The following CMTM8 variants were observed in gnomAD, a reference collection of about 807,000 sequenced individuals.
CMTM8 encodes CKLF-like MARVEL transmembrane domain-containing protein 8.
CMTM8 carries 12 observed loss-of-function variants against 18.6 expected under a neutral mutation model. That is an observed-to-expected ratio of 0.65 (90% CI 0.41 to 1.05). The LOEUF is 1.05. Ranked by LOEUF, CMTM8 falls within the 50% of genes least tolerant of loss-of-function variation. CMTM8 has a pLI of 0.00. For synonymous variants in CMTM8, 87 were observed against 90.6 expected (o/e 0.96, Z 0.23); for missense variants, 217 against 227.2 (o/e 0.95, Z 0.29).
intron 1 of CMTM8, among the ~76,000 whole-genome samples, chr3:32,288,895 T>A (rs1702732171): frequency 6.6e-6 from 1 of 152,172 alleles, no homozygotes; most frequent in African/African-American, 2.4e-5. Flanking sequence ...TGCCATTAGC[T>A]CATTTTCATG....
At chr3:32,264,890 C>T (rs1702312746) in intron 1 of CMTM8, among the ~76,000 whole-genome samples, 2 of 152,190 alleles carry the variant, frequency 1.3e-5, no homozygotes, top group Admixed American at 1.3e-4. Context: ...ATCAATTCAA[C>T]AAGAAGAGCT....
chr3:32,321,884 G>T (rs574501524), intron 1 of CMTM8, among the ~76,000 whole-genome samples: 10 of 152,326 alleles, frequency 6.6e-5, no homozygotes, highest in Non-Finnish European at 1.0e-4. Flanking sequence ...ACAGGCGTGA[G>T]CCATGGCATC....
chr3:32,369,861 C>A (rs192792035), intron 3 of CMTM8, 23 bp from the exon 4 acceptor site: 4 of 1,557,324 alleles, frequency 2.6e-6, no homozygotes, highest in Non-Finnish European at 3.5e-6. Context: ...AACCCCACTT[C>A]TATTATGCTT....
chr3:32,252,685 AT>A (rs1403491851), intron 1 of CMTM8, among the ~76,000 whole-genome samples: 6 of 152,302 alleles, frequency 3.9e-5, no homozygotes, highest in African/African-American at 1.4e-4. Flanking sequence ...AAAGCTGTTA[AT>A]TTTTAAATTT....
chr3:32,334,882 A>T (rs1162079786), intron 1 of CMTM8, among the ~76,000 whole-genome samples: 42 of 152,130 alleles, frequency 2.8e-4, no homozygotes, highest in Non-Finnish European at 2.9e-5. Context: ...CCACTGCCTC[A>T]GTTGAAAACT....
chr3:32,261,981 A>C (rs1415699832), intron 1 of CMTM8, among the ~76,000 whole-genome samples: 2 of 152,150 alleles, frequency 1.3e-5, no homozygotes, highest in East Asian at 1.9e-4. Flanking sequence ...GTTGGCTTCC[A>C]AAATTTTTGG....
chr3:32,260,841 C>G (rs574736559), intron 1 of CMTM8, among the ~76,000 whole-genome samples: 3 of 152,058 alleles, frequency 2.0e-5, no homozygotes, highest in Admixed American at 2.0e-4. Context: ...ACCCTAGTTC[C>G]TAAGAGGGAA....
At chr3:32,342,011 G>A (rs1329215037) in intron 1 of CMTM8, among the ~76,000 whole-genome samples, 1 of 152,058 alleles carries the variant, frequency 6.6e-6, no homozygotes, top group Non-Finnish European at 1.5e-5. Flanking sequence ...ACTTTGGGAG[G>A]CTGAGGTGGG....
chr3:32,329,566 A>G (rs1202524879), intron 1 of CMTM8, among the ~76,000 whole-genome samples: 1 of 152,220 alleles, frequency 6.6e-6, no homozygotes, highest in Non-Finnish European at 1.5e-5. Context: ...GCAAAATTCA[A>G]CACCGTTTCA....
chr3:32,266,305 C>A (rs1252587715), intron 1 of CMTM8, among the ~76,000 whole-genome samples: 2 of 152,168 alleles, frequency 1.3e-5, no homozygotes, highest in African/African-American at 4.8e-5. Context: ...TCAACATATG[C>A]AAATCAATAA....
chr3:32,273,129 A>ATGTGTGTGTGTGTG (rs60162265), intron 1 of CMTM8, among the ~76,000 whole-genome samples: 4,564 of 142,910 alleles, frequency 0.032, 151 homozygotes, highest in East Asian at 0.12. Context: ...ATTGGAACAA[A>ATGTGTGTGTGTGTG]TGTGTGTGTG....
intron 3 of CMTM8, among the ~76,000 whole-genome samples, chr3:32,369,134 C>T (rs770381314): frequency 2.0e-5 from 3 of 149,982 alleles, no homozygotes; most frequent in Non-Finnish European, 3.0e-5. Context: ...CATGGTGAAA[C>T]CCCATCTCTA....
chr3:32,254,009 T>A (rs1447200170), intron 1 of CMTM8, among the ~76,000 whole-genome samples: 1 of 152,188 alleles, frequency 6.6e-6, no homozygotes, highest in Non-Finnish European at 1.5e-5. Context: ...TCCTCCTGCC[T>A]CAGCCTCCCA....
intron 1 of CMTM8, among the ~76,000 whole-genome samples, chr3:32,300,182 C>T (rs986858378): frequency 6.6e-6 from 1 of 152,124 alleles, no homozygotes. Flanking sequence ...TGTGGTTGGA[C>T]CAAAAGGGTG....
rs1215076173 is a variant in CMTM8 at position 32,358,642 on chromosome 3, C to T, written c.321+1096C>T. On this transcript the variant is annotated intron_variant, in intron 2 of 3. Coordinates refer to ENST00000307526, the MANE Select transcript of CMTM8 (RefSeq NM_178868.5). This position sits in a 1 kb window ranked among gnomAD's most constrained non-coding sequence, Gnocchi z 4.1. ...TTCTGTGTTGCTAAGCTAAGTCCCC[C>T]AGGAAAACAAGTCTTACTTTATTTC... 6.6e-6 allele frequency among the ~76,000 whole-genome samples: 1 copy of T among 152,188 alleles called. No individual in the cohort carries two copies. Among genetic ancestry groups the T allele is most frequent in the Non-Finnish European group, 1.5e-5 (1 of 68,022 alleles).
rs558392591 is a variant in CMTM8 at position 32,353,138 on chromosome 3, C to T, written c.148-4235C>T. On this transcript the variant is annotated intron_variant, in intron 1 of 3. Coordinates refer to ENST00000307526, the MANE Select transcript of CMTM8 (RefSeq NM_178868.5). ...CCTCCCTAGTAGCTGGGATTACAGG[C>T]ATGCACCACCATGCCCAGCTAATTT... Among the ~76,000 whole-genome samples, 3 of 152,260 alleles carry T rather than the reference C, an allele frequency of 2.0e-5. No homozygotes were observed. The East Asian group carries it at 5.8e-4, about 29-fold the overall frequency.
At chr3:32,346,940 G>T (rs3889451) in intron 1 of CMTM8, among the ~76,000 whole-genome samples, 112,803 of 151,506 alleles carry the variant, frequency 0.74, 43,961 homozygotes, top group Non-Finnish European at 0.86. Flanking sequence ...CCCACCTCAG[G>T]CTCCTGAGTA....
At chr3:32,258,039 G>A (rs1419494052) in intron 1 of CMTM8, among the ~76,000 whole-genome samples, 1 of 152,098 alleles carries the variant, frequency 6.6e-6, no homozygotes, top group Non-Finnish European at 1.5e-5. Flanking sequence ...TCCAGAAGTC[G>A]CTGCTGGAGG....
At chr3:32,260,387 C>T (rs902223522) in intron 1 of CMTM8, among the ~76,000 whole-genome samples, 2 of 152,178 alleles carry the variant, frequency 1.3e-5, no homozygotes, top group East Asian at 3.8e-4. Flanking sequence ...AAATATTTAA[C>T]TTTAATATTG....
Sources: allele counts gnomAD v4.1 joint callset (sites outside exome capture counted in the v4.1 genomes callset), GRCh38; gene constraint gnomAD v4.1.1; non-coding constraint Gnocchi (gnomAD v3.1); transcripts MANE v1.5; gene names NCBI Gene and HGNC (gene_info 2026-07-23, HGNC 2026-07-21).